MPRIP: variants seen among roughly 807,000 people sequenced by gnomAD.
MPRIP encodes the protein myosin phosphatase Rho-interacting protein.
MPRIP carries 59 observed loss-of-function variants against 234.9 expected under a neutral mutation model. The observed-to-expected ratio is 0.25, with a 90% CI of 0.20 to 0.31. The LOEUF is 0.31. MPRIP is among the 10% of genes least tolerant of loss of function. The probability of loss-of-function intolerance (pLI) is 1.00; values close to 1 mark genes in which losing one functional copy is unlikely to be tolerated. For missense variants in MPRIP, 2,436 were observed against 3,071.0 expected, an observed-to-expected ratio of 0.79 and a Z score of 4.89; for synonymous variants, 1,144 against 1,263.9, an observed-to-expected ratio of 0.91 and a Z score of 2.01.
chr17:17,103,016 T>C (rs149768193), intron 3 of MPRIP, among the ~76,000 whole-genome samples: 292 of 152,186 alleles, frequency 1.9e-3, no homozygotes, highest in African/African-American at 6.4e-3. Flanking sequence ...AGTGTGAGAG[T>C]GCTGGGGGTT....
chr17:17,145,473 G>T (rs1277271233), intron 9 of MPRIP, among the ~76,000 whole-genome samples: 1 of 152,178 alleles, frequency 6.6e-6, no homozygotes, highest in Non-Finnish European at 1.5e-5. Context: ...CTGTGCCTGG[G>T]CGCTGCCCCC....
intron 13 of MPRIP, among the ~76,000 whole-genome samples, chr17:17,154,808 G>T (rs1397287050): frequency 6.6e-6 from 1 of 152,162 alleles, no homozygotes; most frequent in Non-Finnish European, 1.5e-5. Context: ...GCCACCCAGT[G>T]CTTCTTTGTC....
chr17:17,174,628 G>C (rs2046215386), intron 19 of MPRIP, among the ~76,000 whole-genome samples: 2 of 152,148 alleles, frequency 1.3e-5, no homozygotes, highest in African/African-American at 4.8e-5. Context: ...CAAGGTCAGG[G>C]ATTGAGACCA....
At chr17:17,058,005 C>T (rs187732036) in intron 1 of MPRIP, 5 of 368,506 alleles carry the variant, frequency 1.4e-5, no homozygotes, top group African/African-American at 6.2e-5. Flanking sequence ...GCATCCTTCA[C>T]GCCCCTCCCC....
Position 17,164,966 on chromosome 17 carries a change from C to T in MPRIP, c.3375C>T (p.Asp1125=), listed in dbSNP as rs551693381. The T allele has an allele frequency of 2.7e-5, 35 of 1,303,246 alleles. No individual in the cohort carries two copies. The East Asian group carries it at 1.1e-3, about 41-fold the overall frequency. The allele number at this position is 1,303,246 out of a possible 1,614,324, so 80.7% of individuals were successfully genotyped here. ...TGACAGAGCGCGTGGCCACGTCCGA[C>T]GAGGATGTGGCTGAGCTCCGGGAAA... is the stretch of plus-strand genomic sequence containing the variant. The part of the protein sequence containing the change: ...QELTERVATS[D]EDVAELREKL... The change falls in exon 16 of 24, where the codon GAC becomes GAT. Residue 1125 remains aspartate (D), a synonymous_variant. Transcript: ENST00000651222.
At chr17:17,057,722 G>T in intron 1 of MPRIP, 1 of 717,814 alleles carries the variant, frequency 1.4e-6, no homozygotes, top group Non-Finnish European at 2.6e-6. Context: ...GAAGAGGAAT[G>T]GCATCAGCTA....
rs888989294 is a variant in MPRIP, at chr17:17,165,842, A to G, written c.4251A>G (p.Ala1417=). The change falls in exon 16 of 24, where the codon GCA becomes GCG. Residue 1417 remains alanine (A), a synonymous_variant. Coordinates refer to ENST00000651222, the MANE Select transcript of MPRIP (RefSeq NM_001364716.4). ...GTCAGAGCCGTGAGGCACTGCTCGC[A>G]CTGCACCACCAGTGGGCGGGCACCG... ...QQGQSREALL[A]LHHQWAGTEA... is the part of the protein sequence containing the mutation. 1.5e-5 allele frequency: 20 copies of G among 1,304,102 alleles called. No homozygotes were observed. Among genetic ancestry groups the G allele is most frequent in the Middle Eastern group, 2.1e-4 (1 of 4,720 alleles). 80.8% of individuals were successfully genotyped at this position (1,304,102 alleles called of 1,614,324 possible).
At chr17:17,119,194 C>G (rs1209723924) in intron 3 of MPRIP, among the ~76,000 whole-genome samples, 1 of 152,172 alleles carries the variant, frequency 6.6e-6, no homozygotes, top group African/African-American at 2.4e-5. Flanking sequence ...GGAAGGACCT[C>G]TCCTTAGACC....
intron 22 of MPRIP, chr17:17,179,716 C>A: frequency 3.3e-6 from 1 of 302,426 alleles, no homozygotes; most frequent in Non-Finnish European, 6.1e-6. Context: ...AGTGAGGGGA[C>A]CAAGTCCCTT....
rs1473122499 is a variant in MPRIP at position 17,189,348 on chromosome 17, C to G, written c.*4454C>G. 1 of 152,124 alleles carries G rather than the reference C, an allele frequency of 6.6e-6. No individual in the cohort carries two copies. Among genetic ancestry groups the G allele is most frequent in the Non-Finnish European group, 1.5e-5 (1 of 68,044 alleles). The allele number at this position is 152,124 out of a possible 1,614,324, so 9.4% of individuals were successfully genotyped here. On this transcript the variant is annotated 3_prime_UTR_variant, in exon 24 of 24. Transcript: ENST00000651222. ...GGACTACAGGTGTCTGCCGCCACGC[C>G]TGGCTAATTTTTTTGTATTTTTAGT...
At chr17:17,153,755 G>A (rs945757697) in intron 12 of MPRIP, among the ~76,000 whole-genome samples, 5 of 152,072 alleles carry the variant, frequency 3.3e-5, no homozygotes, top group Admixed American at 3.3e-4. Context: ...GACAGCTGCA[G>A]TAACCACCCA....
At chr17:17,068,035 T>G (rs1268650927) in intron 1 of MPRIP, among the ~76,000 whole-genome samples, 1 of 152,178 alleles carries the variant, frequency 6.6e-6, no homozygotes, top group African/African-American at 2.4e-5. Flanking sequence ...GTATTCCTCA[T>G]TATCCCTTTG....
At chr17:17,060,626 A>G (rs1198360998) in intron 1 of MPRIP, among the ~76,000 whole-genome samples, 5 of 152,136 alleles carry the variant, frequency 3.3e-5, no homozygotes, top group African/African-American at 1.2e-4. Flanking sequence ...AGGAGTGCAG[A>G]CCTGCCCTCG....
chr17:17,158,305 G>A lies in MPRIP; in HGVS notation c.1830-127G>A, dbSNP rs1356008103. ...TGTCCTCCCTGCACTTAGGAAGCTG[G>A]GATTAGGATAGAAAAAGGATGTGGT... On this transcript the variant is annotated intron_variant, in intron 13 of 23. Transcript: ENST00000651222. The A allele has an allele frequency of 3.3e-5, 25 of 764,224 alleles. No homozygotes were observed. In the South Asian group the frequency reaches 5.0e-4, roughly 15 times the overall value. The allele number at this position is 764,224 out of a possible 1,614,324, so 47.3% of individuals were successfully genotyped here. A position where few individuals can be genotyped will look rare whatever the true frequency, so the allele number is the denominator to read the frequency against.
At chr17:17,177,650 T>C (rs1412992159) in intron 22 of MPRIP, among the ~76,000 whole-genome samples, 1 of 152,206 alleles carries the variant, frequency 6.6e-6, no homozygotes, top group Non-Finnish European at 1.5e-5. Context: ...AGTATCAGCA[T>C]AATATTTTCG....
intron 3 of MPRIP, among the ~76,000 whole-genome samples, chr17:17,115,317 T>G (rs965374468): frequency 2.6e-5 from 4 of 152,368 alleles, no homozygotes; most frequent in East Asian, 1.9e-4. Flanking sequence ...GGTTCCTGCT[T>G]CTTCTGTGAT....
At chr17:17,150,056 G>A in intron 11 of MPRIP, 88 bp from the exon 12 acceptor site, 1 of 923,616 alleles carries the variant, frequency 1.1e-6, no homozygotes, top group East Asian at 2.4e-5. Flanking sequence ...AGTAAAGTCA[G>A]TGCAGAAAAT....
chr17:17,145,469 C>T (rs1244009912), intron 9 of MPRIP, among the ~76,000 whole-genome samples: 1 of 152,202 alleles, frequency 6.6e-6, no homozygotes, highest in Admixed American at 6.5e-5. Context: ...AGCGCTGTGC[C>T]TGGGCGCTGC....
chr17:17,125,681 C>G (rs2090477834), intron 3 of MPRIP, among the ~76,000 whole-genome samples: 3 of 152,238 alleles, frequency 2.0e-5, no homozygotes, highest in Non-Finnish European at 4.4e-5. Context: ...GCTCTTGAGA[C>G]CAAGCCCCCA....
Sources: gnomAD v4.1 joint callset for allele counts (sites outside exome capture counted in the v4.1 genomes callset) on GRCh38, gnomAD v4.1.1 for gene constraint, MANE v1.5 for transcripts, NCBI Gene and HGNC (gene_info 2026-07-23, HGNC 2026-07-21) for gene names.